TP63: variants seen among roughly 807,000 people sequenced by gnomAD.
TP63 encodes tumor protein 63.
A neutral mutation model predicts 82.8 loss-of-function variants in TP63; 17 were observed. The ratio of observed to expected loss-of-function variants is 0.21; its 90% CI spans 0.14 to 0.31. TP63 has a LOEUF of 0.31. Ranked by LOEUF, TP63 falls within the 10% of genes least tolerant of loss-of-function variation. The pLI is 1.00. For missense variants in TP63, 648 were observed against 895.3 expected (o/e 0.72, Z 3.52); for synonymous variants, 330 against 321.7 (o/e 1.03, Z -0.28).
intron 3 of TP63, among the ~76,000 whole-genome samples, chr3:189,803,568 C>T (rs1726545890): frequency 6.6e-6 from 1 of 152,152 alleles, no homozygotes; most frequent in African/African-American, 2.4e-5. Flanking sequence ...TCCTGGGTAT[C>T]TTTATACCTA....
Position 189,721,034 on chromosome 3 carries a change from G to A in TP63, c.63-16706G>A, listed in dbSNP as rs930788437. 7.2e-5 allele frequency among the ~76,000 whole-genome samples: 11 copies of A among 152,304 alleles called. No homozygotes were observed. The South Asian group carries it at 1.5e-3, about 20-fold the overall frequency. On this transcript the variant is annotated intron_variant, in intron 1 of 13. Transcript: ENST00000264731. ...TGCCTGTAGGAGGTGATTGGCTTCC[G>A]ATGAAGTTGCTATAAGAGGACACTG... is the stretch of plus-strand genomic sequence containing the variant.
At chr3:189,880,466 T>C (rs1719792738) in intron 10 of TP63, 2 of 1,049,380 alleles carry the variant, frequency 1.9e-6, no homozygotes, top group Non-Finnish European at 2.3e-6. Flanking sequence ...TGTTGTTTCC[T>C]GGGAGGGAGG....
At chr3:189,629,741 G>T (rs1391912698), upstream of TP63, among the ~76,000 whole-genome samples, 1 of 152,270 alleles carries the variant, frequency 6.6e-6, no homozygotes, top group East Asian at 1.9e-4. Flanking sequence ...AACTTGAGAA[G>T]CTCTGCACTA....
At chr3:189,852,360 G>A (rs1298221606) in intron 4 of TP63, among the ~76,000 whole-genome samples, 1 of 152,198 alleles carries the variant, frequency 6.6e-6, no homozygotes, top group East Asian at 1.9e-4. Context: ...TCAATTGTCT[G>A]CTGAATATCA....
At chr3:189,835,994 G>C (rs1053839513) in intron 4 of TP63, among the ~76,000 whole-genome samples, 3 of 150,674 alleles carry the variant, frequency 2.0e-5, no homozygotes, top group Non-Finnish European at 3.0e-5. Flanking sequence ...GCAAGATTTG[G>C]CTCACGCGTC....
intron 4 of TP63, among the ~76,000 whole-genome samples, chr3:189,856,913 T>G (rs1716363858): frequency 1.3e-5 from 2 of 152,194 alleles, no homozygotes; most frequent in Admixed American, 1.3e-4. Flanking sequence ...TGCTCATGGT[T>G]TAAAAGACAC....
intron 1 of TP63, among the ~76,000 whole-genome samples, chr3:189,664,974 T>C (rs1008125456): frequency 1.3e-5 from 2 of 152,172 alleles, no homozygotes; most frequent in Non-Finnish European, 1.5e-5. Flanking sequence ...AATTGTGAAA[T>C]ATAGCCATTA....
chr3:189,636,699 A>T (rs572764958), intron 1 of TP63, among the ~76,000 whole-genome samples: 69 of 152,314 alleles, frequency 4.5e-4, no homozygotes, highest in African/African-American at 1.6e-3. Context: ...ACATGTATTT[A>T]AGAAAGATTA....
At chr3:189,645,840 C>G (rs1577169104) in intron 1 of TP63, among the ~76,000 whole-genome samples, 1 of 146,974 alleles carries the variant, frequency 6.8e-6, no homozygotes, top group Non-Finnish European at 1.5e-5. Context: ...TGAACTCATC[C>G]TTTTTTATGG....
intron 11 of TP63, 65 bp from the exon 12 acceptor site, chr3:189,889,275 G>A (rs1181813141): frequency 9.3e-6 from 15 of 1,610,896 alleles, no homozygotes; most frequent in Middle Eastern, 1.6e-4. Flanking sequence ...AGACAAGATG[G>A]ACCACTGGGA....
At chr3:189,656,590 A>C (rs573971032) in intron 1 of TP63, among the ~76,000 whole-genome samples, 1 of 152,286 alleles carries the variant, frequency 6.6e-6, no homozygotes, top group South Asian at 2.1e-4. Context: ...AATAAAAAAC[A>C]AAAGCTCAAA....
At chr3:189,636,461 C>T (rs556982543) in intron 1 of TP63, among the ~76,000 whole-genome samples, 1 of 152,092 alleles carries the variant, frequency 6.6e-6, no homozygotes, top group Admixed American at 6.6e-5. Context: ...GAAATACACC[C>T]CTTTAGTGTA....
intron 4 of TP63, among the ~76,000 whole-genome samples, chr3:189,829,270 ATG>A (rs1711926464): frequency 6.6e-6 from 1 of 152,224 alleles, no homozygotes; most frequent in Non-Finnish European, 1.5e-5. Flanking sequence ...AATCATTTAA[ATG>A]TTTCTTCCTG....
intron 3 of TP63, among the ~76,000 whole-genome samples, chr3:189,770,384 G>T (rs547361921): frequency 3.9e-4 from 59 of 152,200 alleles, no homozygotes; most frequent in African/African-American, 1.4e-3. Context: ...GGCCAACATG[G>T]TGAAACCCCG....
intron 1 of TP63, among the ~76,000 whole-genome samples, chr3:189,733,591 C>T (rs182942255): frequency 1.2e-4 from 18 of 152,242 alleles, no homozygotes; most frequent in African/African-American, 4.1e-4. Context: ...AGTTTATCTG[C>T]ATTTTGGTTT....
intron 12 of TP63, 60 bp downstream of exon 12, chr3:189,889,544 C>T (rs1055401535): frequency 4.4e-5 from 71 of 1,608,734 alleles, no homozygotes; most frequent in Middle Eastern, 1.6e-4. Flanking sequence ...TGGTGGAGGG[C>T]GGATACTGTT....
At chr3:189,759,915 G>A (rs1577362482) in intron 3 of TP63, among the ~76,000 whole-genome samples, 1 of 152,212 alleles carries the variant, frequency 6.6e-6, no homozygotes, top group East Asian at 1.9e-4. Context: ...AAGGCAAGGA[G>A]GAGCAAGTCA....
At chr3:189,723,854 G>A (rs536349502) in intron 1 of TP63, among the ~76,000 whole-genome samples, 1 of 152,258 alleles carries the variant, frequency 6.6e-6, no homozygotes, top group African/African-American at 2.4e-5. Flanking sequence ...TTGGAAGATA[G>A]ACATTTCTGA....
intron 1 of TP63, among the ~76,000 whole-genome samples, chr3:189,702,743 C>A (rs1431401453): frequency 6.6e-6 from 1 of 152,184 alleles, no homozygotes; most frequent in African/African-American, 2.4e-5. Flanking sequence ...TTGAGTTTTA[C>A]CTCTGTCACA....
Sources: allele counts gnomAD v4.1 joint callset (sites outside exome capture counted in the v4.1 genomes callset), GRCh38; gene constraint gnomAD v4.1.1; transcripts MANE v1.5; gene names NCBI Gene and HGNC (gene_info 2026-07-23, HGNC 2026-07-21).